Variants in DYNC2I1 observed in about 807,000 individuals in gnomAD.
DYNC2I1 encodes dynein 2 intermediate chain 1, also known as cytoplasmic dynein 2 intermediate chain 1.
A neutral mutation model predicts 133.4 loss-of-function variants in DYNC2I1; 89 were observed. The ratio of observed to expected loss-of-function variants is 0.67; its 90% confidence interval spans 0.56 to 0.80. DYNC2I1 has a LOEUF of 0.80. Among genes scored for constraint, DYNC2I1 ranks in the 30% least tolerant of loss-of-function variants. DYNC2I1 has a pLI of 0.00. For missense variants in DYNC2I1, 1,291 were observed against 1,314.5 expected, an observed-to-expected ratio of 0.98 and a Z score of 0.28; for synonymous variants, 504 against 484.3, an observed-to-expected ratio of 1.04 and a Z score of -0.54.
intron 24 of DYNC2I1, among the ~76,000 whole-genome samples, chr7:158,944,449 C>T (rs542066539): frequency 1.3e-5 from 2 of 152,264 alleles, no homozygotes; most frequent in African/African-American, 2.4e-5. Context: ...TGGTGTCCAC[C>T]GTCTGTTACT....
downstream of DYNC2I1, among the ~76,000 whole-genome samples, chr7:158,947,912 T>C (rs1323463193): frequency 6.6e-6 from 1 of 152,240 alleles, no homozygotes; most frequent in Non-Finnish European, 1.5e-5. Flanking sequence ...ATGATGTCCT[T>C]GAATGTGTCC....
At chr7:158,948,183 G>A (rs1851948714), downstream of DYNC2I1, among the ~76,000 whole-genome samples, 1 of 152,168 alleles carries the variant, frequency 6.6e-6, no homozygotes, top group Admixed American at 6.5e-5. Flanking sequence ...AGCAGATTAG[G>A]AAAACAGACG....
intron 14 of DYNC2I1, among the ~76,000 whole-genome samples, chr7:158,917,844 T>G (rs981399906): frequency 1.2e-4 from 19 of 152,174 alleles, no homozygotes; most frequent in African/African-American, 4.1e-4. Flanking sequence ...TCTTCCTTCT[T>G]CACACCCATC....
chr7:158,906,001 C>A lies in DYNC2I1; in HGVS notation c.1370C>A (p.Ser457Tyr), dbSNP rs144444098. 519 of 1,613,598 alleles carry A rather than the reference C, an allele frequency of 3.2e-4. 2 individuals are homozygous for A. The African/African-American group carries it at 5.7e-3, about 18-fold the overall frequency. ...EKEPRTDTNS[S>Y]PSRASVCGIF... ...CTCCCTCACACAGATACAAACAGTT[C>A]CCCTTCCAGAGCCTCTGTTTGTGGA... Residue 457 changes from serine (S) to tyrosine (Y), a missense_variant, in exon 11 of 25, where the codon TCC (serine) becomes TAC (tyrosine). Physicochemically the swap from Ser to Tyr is moderately radical, Grantham distance 144. Coordinates refer to ENST00000407559, the MANE Select transcript of DYNC2I1 (RefSeq NM_018051.5).
At chr7:158,859,723 G>A (rs1841704611) in intron 1 of DYNC2I1, among the ~76,000 whole-genome samples, 1 of 152,024 alleles carries the variant, frequency 6.6e-6, no homozygotes. Flanking sequence ...GGCTGGTCTT[G>A]ATCCGCCCAC....
At chr7:158,873,179 T>C (rs1228190871) in intron 3 of DYNC2I1, among the ~76,000 whole-genome samples, 1 of 152,188 alleles carries the variant, frequency 6.6e-6, no homozygotes, top group Non-Finnish European at 1.5e-5. Flanking sequence ...AGGTACATAC[T>C]TTTTTTCCTC....
chr7:158,919,583 G>A (rs905400697), intron 15 of DYNC2I1, among the ~76,000 whole-genome samples: 4 of 152,200 alleles, frequency 2.6e-5, no homozygotes, highest in Non-Finnish European at 5.9e-5. Context: ...GCAGGTGCGG[G>A]TGTGCTGCAG....
intron 1 of DYNC2I1, among the ~76,000 whole-genome samples, chr7:158,868,832 A>C (rs1242598837): frequency 2.6e-5 from 4 of 152,252 alleles, no homozygotes; most frequent in Non-Finnish European, 5.9e-5. Context: ...CACTGTCCTC[A>C]TTAGAAAAAC....
At chr7:158,926,379 C>T (rs1849623303) in intron 18 of DYNC2I1, 23 bp from the exon 19 acceptor site, 2 of 1,607,630 alleles carry the variant, frequency 1.2e-6, no homozygotes, top group Non-Finnish European at 1.7e-6. Context: ...CCATTTCTTT[C>T]TTTTTGTTTC....
At chr7:158,907,901 C>T (rs566967033) in intron 11 of DYNC2I1, among the ~76,000 whole-genome samples, 2 of 152,172 alleles carry the variant, frequency 1.3e-5, no homozygotes, top group African/African-American at 4.8e-5. Flanking sequence ...GTGTGAGCTG[C>T]TGTGCCCGGC....
At chr7:158,953,094 C>T (rs186158960) in intron 4 of DYNC2I1, among the ~76,000 whole-genome samples, 2 of 152,328 alleles carry the variant, frequency 1.3e-5, no homozygotes, top group Non-Finnish European at 2.9e-5. Context: ...TGGGAATTCT[C>T]AGCACCTGTA....
chr7:158,907,402 A>C (rs1398072298), intron 11 of DYNC2I1, among the ~76,000 whole-genome samples: 1 of 151,784 alleles, frequency 6.6e-6, no homozygotes, highest in Admixed American at 6.6e-5. Context: ...TATAAATATG[A>C]GATAAAATTA....
At chr7:158,854,302 A>G (rs1841117693), upstream of DYNC2I1, among the ~76,000 whole-genome samples, 1 of 152,194 alleles carries the variant, frequency 6.6e-6, no homozygotes, top group Non-Finnish European at 1.5e-5. Context: ...CTCCTAAACC[A>G]TAATTTCTAA....
Position 158,881,847 on chromosome 7 carries a change from C to T in DYNC2I1, c.879+1858C>T, listed in dbSNP as rs553605939. 5.9e-5 allele frequency among the ~76,000 whole-genome samples: 9 copies of T among 152,260 alleles called. No individual in the cohort carries two copies. The East Asian group carries it at 1.5e-3, about 26-fold the overall frequency. ...AACATTTTCAAACATACAGCAAAGT[C>T]GACGTAATTTTCCAAAGAACACTCT... On this transcript the variant is annotated intron_variant, in intron 5 of 24. Transcript: ENST00000407559.
chr7:158,949,740 T>C (rs1851996304), downstream of DYNC2I1, among the ~76,000 whole-genome samples: 1 of 150,284 alleles, frequency 6.7e-6, no homozygotes. Context: ...CAAGTAAGGA[T>C]GCTTAAGAAT....
intron 24 of DYNC2I1, among the ~76,000 whole-genome samples, chr7:158,944,122 C>T (rs900816593): frequency 2.0e-5 from 3 of 152,280 alleles, no homozygotes; most frequent in East Asian, 1.9e-4. Context: ...TTTAGAGTTA[C>T]GTTACAATCT....
intron 12 of DYNC2I1, among the ~76,000 whole-genome samples, chr7:158,912,638 A>T (rs1401605971): frequency 6.6e-6 from 1 of 152,180 alleles, no homozygotes; most frequent in African/African-American, 2.4e-5. Context: ...TTTCCTCATC[A>T]TAAAGCTGTT....
In DYNC2I1 at chr7:158,864,351, CAT is replaced by C. The variant is rs146815748; in HGVS notation, c.16-5503_16-5502del. Among the ~76,000 whole-genome samples the C allele has an allele frequency of 6.2e-3, 938 of 152,244 alleles. 61 individuals carry two copies. In the East Asian group the frequency reaches 0.13, roughly 21 times the overall value. The stretch of plus-strand genomic sequence containing the variant: ...CAGGGTTGGGCCGCGGTGTCTCTGT[CAT>C]GTGGGGACTCAGGCTGGAGAGTGCC... On this transcript the variant is annotated intron_variant, in intron 1 of 24. Coordinates refer to ENST00000407559, the MANE Select transcript of DYNC2I1 (RefSeq NM_018051.5).
At chr7:158,933,744 G>A (rs1563197570) in intron 21 of DYNC2I1, among the ~76,000 whole-genome samples, 1 of 152,198 alleles carries the variant, frequency 6.6e-6, no homozygotes, top group Non-Finnish European at 1.5e-5. Flanking sequence ...TGCTGCAGAT[G>A]AGCTCACAAC....
Sources: gnomAD v4.1 joint callset for allele counts (sites outside exome capture counted in the v4.1 genomes callset) on GRCh38, gnomAD v4.1.1 for gene constraint, MANE v1.5 for transcripts, NCBI Gene and HGNC (gene_info 2026-07-23, HGNC 2026-07-21) for gene names.